The following DMAC2L variants were observed in gnomAD, a reference collection of about 807,000 sequenced individuals.
DMAC2L encodes ATP synthase subunit s, mitochondrial.
A neutral mutation model predicts 22.5 loss-of-function variants in DMAC2L; 21 were observed. That is an observed-to-expected ratio of 0.93 (90% CI 0.66 to 1.34). The LOEUF is 1.34. Among genes scored for constraint, DMAC2L ranks in the 40% most tolerant of loss-of-function variants. The pLI is 0.00. For missense variants in DMAC2L, 239 were observed against 246.5 expected, an observed-to-expected ratio of 0.97 and a Z score of 0.20; for synonymous variants, 86 against 89.5, an observed-to-expected ratio of 0.96 and a Z score of 0.22.
chr14:50,320,219 G>A (rs1039985538), intron 2 of DMAC2L, among the ~76,000 whole-genome samples: 6 of 152,124 alleles, frequency 3.9e-5, no homozygotes, highest in South Asian at 2.1e-4. Context: ...TCAGCCTCCC[G>A]AGTAGCTGGG....
intron 1 of DMAC2L, chr14:50,312,990 T>C (rs1353836066): frequency 6.2e-7 from 1 of 1,614,042 alleles, no homozygotes; most frequent in African/African-American, 1.3e-5. Context: ...TGTGTCCTTT[T>C]CTTGAGTACT....
rs529413254 is a variant in DMAC2L, at chr14:50,321,150, A to C, written c.-5-333A>C. Among the ~76,000 whole-genome samples the C allele has an allele frequency of 2.6e-5, 4 of 152,294 alleles. No homozygotes were observed. The South Asian group carries it at 8.3e-4, about 32-fold the overall frequency. On this transcript the variant is annotated intron_variant, in intron 2 of 5. Coordinates refer to ENST00000557421, the MANE Select transcript of DMAC2L (RefSeq NM_001382507.1). ...GATGCTGGAAATATAGATGGGGAATAGAGGAGCCAGCTTCAGCAAATTCAT... is the reference window on the plus strand; with the variant it reads ...GATGCTGGAAATATAGATGGGGAATCGAGGAGCCAGCTTCAGCAAATTCAT...
At position 50,322,628 on chromosome 14, in the gene DMAC2L, C is replaced by G. The variant is rs1314483245; in HGVS notation, c.225C>G (p.Asn75Lys). The part of the protein sequence containing the change: ...HGQERWQKDY[N>K]HLPTGPLDKY... Reference sequence around the variant, plus strand: ...AGGAGAGGTGGCAGAAGGACTACAACCACCTTCCAACAGGCCCTCTGGACA... The same window carrying G: ...AGGAGAGGTGGCAGAAGGACTACAAGCACCTTCCAACAGGCCCTCTGGACA... The change falls in exon 4 of 6, where the codon AAC becomes AAG. Residue 75 changes from asparagine (N) to lysine (K), a missense_variant. Coordinates refer to ENST00000557421, the MANE Select transcript of DMAC2L (RefSeq NM_001382507.1). 8 of 1,614,082 alleles carry G rather than the reference C, an allele frequency of 5.0e-6. No homozygotes were observed. The highest frequency in any genetic ancestry group is 6.8e-6 in the Non-Finnish European group (8 of 1,180,048).
At chr14:50,321,368 G>T in intron 2 of DMAC2L, 115 bp from the exon 3 acceptor site, 1 of 1,412,746 alleles carries the variant, frequency 7.1e-7, no homozygotes. Flanking sequence ...AGTAATTGTT[G>T]AGTGGCAAGT....
Position 50,321,357 on chromosome 14 carries a change from C to T in DMAC2L, c.-5-126C>T, listed in dbSNP as rs994105491. Reference sequence around the variant, plus strand: ...GAACAAGAAACAGGAGTGACTTGCTCAGTAATTGTTGAGTGGCAAGTGAGT... The same window carrying T: ...GAACAAGAAACAGGAGTGACTTGCTTAGTAATTGTTGAGTGGCAAGTGAGT... On this transcript the variant is annotated intron_variant, in intron 2 of 5. Coordinates refer to ENST00000557421, the MANE Select transcript of DMAC2L (RefSeq NM_001382507.1). The T allele has an allele frequency of 6.5e-6, 9 of 1,395,070 alleles. No individual in the cohort carries two copies. The South Asian group carries it at 1.0e-4, about 16-fold the overall frequency. 86.4% of individuals were successfully genotyped at this position (1,395,070 alleles called of 1,614,324 possible). A position where few individuals can be genotyped will look rare whatever the true frequency, so the allele number is the denominator to read the frequency against.
chr14:50,318,942 C>A (rs1003551130), intron 2 of DMAC2L: 1 of 798,672 alleles, frequency 1.3e-6, no homozygotes, highest in African/African-American at 1.9e-5. Context: ...CTCCTTTGTT[C>A]TTGTTTTTGT....
intron 2 of DMAC2L, among the ~76,000 whole-genome samples, chr14:50,319,690 G>C (rs887852489): frequency 6.6e-6 from 1 of 152,188 alleles, no homozygotes; most frequent in Non-Finnish European, 1.5e-5. Flanking sequence ...TGTGACCTCT[G>C]ATTCCAATGA....
chr14:50,312,134 C>G, upstream of DMAC2L: 1 of 1,610,422 alleles, frequency 6.2e-7, no homozygotes, highest in Non-Finnish European at 8.5e-7. Context: ...AACCAAATAA[C>G]GCAGCGCTGG....
At chr14:50,315,133 A>C (rs1346520608) in intron 2 of DMAC2L, among the ~76,000 whole-genome samples, 3 of 151,198 alleles carry the variant, frequency 2.0e-5, no homozygotes, top group Admixed American at 6.6e-5. Flanking sequence ...TGCCCGGCTA[A>C]TTTTTTATAT....
chr14:50,323,396 T>A (rs2032457562), intron 4 of DMAC2L, among the ~76,000 whole-genome samples: 1 of 134,940 alleles, frequency 7.4e-6, no homozygotes, highest in Non-Finnish European at 1.6e-5. Flanking sequence ...GCCTCTTTTT[T>A]TTTTTTTTTT....
chr14:50,321,311 C>G, intron 2 of DMAC2L, 172 bp from the exon 3 acceptor site: 3 of 1,286,832 alleles, frequency 2.3e-6, no homozygotes, highest in Non-Finnish European at 3.0e-6. Context: ...TTTTTTGCAG[C>G]AAACAAATAA....
intron 2 of DMAC2L, among the ~76,000 whole-genome samples, chr14:50,320,280 T>G (rs1020482591): frequency 6.6e-6 from 1 of 151,380 alleles, no homozygotes; most frequent in African/African-American, 2.4e-5. Flanking sequence ...TTTTTATTTT[T>G]TGGTATTTTT....
At chr14:50,321,654 A>G (rs2032288493) in intron 3 of DMAC2L, 60 bp downstream of exon 3, 1 of 1,270,724 alleles carries the variant, frequency 7.9e-7, no homozygotes, top group East Asian at 2.3e-5. Flanking sequence ...ATAAGTTCCC[A>G]ATAGCTTGTT....
chr14:50,316,570 A>G (rs1244151894), intron 2 of DMAC2L, among the ~76,000 whole-genome samples: 1 of 152,196 alleles, frequency 6.6e-6, no homozygotes, highest in Non-Finnish European at 1.5e-5. Flanking sequence ...TGATTTTTGT[A>G]TAAGGTGAGA....
rs1029081777 is a variant in DMAC2L, at chr14:50,326,069, A to G, written c.*346A>G. The G allele has an allele frequency of 5.8e-5, 19 of 326,800 alleles. No individual in the cohort carries two copies. Among genetic ancestry groups the G allele is most frequent in the South Asian group, 2.2e-4 (2 of 9,028 alleles). The allele number at this position is 326,800 out of a possible 1,614,324, so 20.2% of individuals were successfully genotyped here. A position where few individuals can be genotyped will look rare whatever the true frequency, so the allele number is the denominator to read the frequency against. On this transcript the variant is annotated 3_prime_UTR_variant, in exon 6 of 6. Coordinates refer to ENST00000557421, the MANE Select transcript of DMAC2L (RefSeq NM_001382507.1). ...AACATGGTGAAACCCCATCTCTACT[A>G]AAAAAACAAAATTAGCTGAATGTGG...
chr14:50,317,756 G>T (rs1233082991), intron 2 of DMAC2L, among the ~76,000 whole-genome samples: 2 of 151,418 alleles, frequency 1.3e-5, no homozygotes, highest in African/African-American at 4.9e-5. Flanking sequence ...GGCAACAAGA[G>T]TGAAACACTA....
In DMAC2L at chr14:50,327,888, T is replaced by C. The variant is rs1234777342; in HGVS notation, c.*2165T>C. The stretch of plus-strand genomic sequence containing the variant: ...GCTTATACAAATAACACAGTATAAA[T>C]GGTAATTGCCACTGTCATTTTAAAA... On this transcript the variant is annotated 3_prime_UTR_variant, in exon 6 of 6. Coordinates refer to ENST00000557421, the MANE Select transcript of DMAC2L (RefSeq NM_001382507.1). 6.6e-6 allele frequency: 1 copy of C among 152,180 alleles called. No homozygotes were observed. Among genetic ancestry groups the C allele is most frequent in the African/African-American group, 2.4e-5 (1 of 41,430 alleles). The allele number at this position is 152,180 out of a possible 1,614,324, so 9.4% of individuals were successfully genotyped here. A position where few individuals can be genotyped will look rare whatever the true frequency, so the allele number is the denominator to read the frequency against.
rs539964526 is a variant in DMAC2L at position 50,313,964 on chromosome 14, G to C, written c.-41-627G>C. Among the ~76,000 whole-genome samples, 3 of 152,268 alleles carry C rather than the reference G, an allele frequency of 2.0e-5. No homozygotes were observed. In the South Asian group the frequency reaches 6.2e-4, roughly 32 times the overall value. ...AGAATGTTACATAAATGTAATTATT[G>C]TAATTATACAGTATGTAACTTTTAT... On this transcript the variant is annotated intron_variant, in intron 1 of 5. Transcript: ENST00000557421.
chr14:50,317,661 T>G (rs1566555280), intron 2 of DMAC2L, among the ~76,000 whole-genome samples: 1 of 151,958 alleles, frequency 6.6e-6, no homozygotes, highest in African/African-American at 2.4e-5. Context: ...TCCCAGCTAC[T>G]TGGAAGGCTG....
Sources: allele counts gnomAD v4.1 joint callset (sites outside exome capture counted in the v4.1 genomes callset), GRCh38; gene constraint gnomAD v4.1.1; transcripts MANE v1.5; gene names NCBI Gene and HGNC (gene_info 2026-07-23, HGNC 2026-07-21).